The following RAB27B variants were observed in gnomAD, a reference collection of about 807,000 sequenced individuals.
RAB27B encodes ras-related protein Rab-27B.
A neutral mutation model predicts 24.6 loss-of-function variants in RAB27B; 15 were observed. The observed-to-expected ratio is 0.61, with a 90% CI of 0.41 to 0.94. The LOEUF (loss-of-function observed/expected upper bound fraction) is 0.94, where lower values mean the gene tolerates loss of function less well. RAB27B is among the 40% of genes least tolerant of loss of function. The pLI is 0.00. For missense variants in RAB27B, 261 were observed against 266.8 expected (o/e 0.98, Z 0.15); for synonymous variants, 105 against 92.5 (o/e 1.14, Z -0.78).
intron 2 of RAB27B, among the ~76,000 whole-genome samples, chr18:54,809,794 G>A (rs949100889): frequency 2.0e-5 from 3 of 152,194 alleles, no homozygotes; most frequent in Admixed American, 2.0e-4. Flanking sequence ...TATGGATGTT[G>A]TTAAACAGAT....
chr18:54,862,299 G>A (rs1012886067), intron 1 of RAB27B, among the ~76,000 whole-genome samples: 2 of 152,118 alleles, frequency 1.3e-5, no homozygotes, highest in Non-Finnish European at 2.9e-5. Context: ...GAACAAAATC[G>A]AATGTAGTGG....
chr18:54,769,264 A>G (rs1056094663), intron 2 of RAB27B, among the ~76,000 whole-genome samples: 1 of 152,216 alleles, frequency 6.6e-6, no homozygotes, highest in Non-Finnish European at 1.5e-5. Context: ...CAGAAATCCA[A>G]TAGGGTAATC....
In RAB27B at chr18:54,893,603, T is replaced by G. The variant is rs1179415416; in HGVS notation, c.*4190T>G. ...GGTGTTGAGCTCTTATACATGAAAA[T>G]GGATATAGGCTATTCTCTGGGATGA... On this transcript the variant is annotated 3_prime_UTR_variant, in exon 6 of 6. Transcript: ENST00000262094. 1 of 151,994 alleles carries G rather than the reference T, an allele frequency of 6.6e-6. No homozygotes were observed. Among genetic ancestry groups the G allele is most frequent in the Non-Finnish European group, 1.5e-5 (1 of 67,952 alleles). The allele number at this position is 151,994 out of a possible 1,614,324, so 9.4% of individuals were successfully genotyped here.
At chr18:54,718,528 C>T (rs1909260438) in intron 2 of RAB27B, among the ~76,000 whole-genome samples, 1 of 152,176 alleles carries the variant, frequency 6.6e-6, no homozygotes, top group African/African-American at 2.4e-5. Context: ...TCTGCAAATA[C>T]TCCTATCATA....
At chr18:54,802,250 G>A (rs541475874) in intron 2 of RAB27B, among the ~76,000 whole-genome samples, 9 of 152,332 alleles carry the variant, frequency 5.9e-5, no homozygotes, top group Admixed American at 3.3e-4. Context: ...AATCCTTGGA[G>A]AAGGAGGACA....
chr18:54,808,539 G>A (rs961166952), intron 2 of RAB27B, among the ~76,000 whole-genome samples: 3 of 152,178 alleles, frequency 2.0e-5, no homozygotes, highest in African/African-American at 7.2e-5. Context: ...CTTATTATCA[G>A]CCTCCACAAA....
In RAB27B at chr18:54,815,591, G is replaced by A. The variant is rs570101106; in HGVS notation, c.-19-61976G>A. ...TTTATTGATTTAGCCAAATCTTCAA[G>A]GAGCATCATTTTGTAAACCCCTCAC... On this transcript the variant is annotated intron_variant, in intron 2 of 4. Transcript: ENST00000586570. Among the ~76,000 whole-genome samples, 31 of 152,188 alleles carry A rather than the reference G, an allele frequency of 2.0e-4. No homozygotes were observed. In the South Asian group the frequency reaches 4.6e-3, roughly 22 times the overall value.
chr18:54,821,031 G>A (rs1910293512), intron 2 of RAB27B, among the ~76,000 whole-genome samples: 1 of 152,068 alleles, frequency 6.6e-6, no homozygotes, highest in Non-Finnish European at 1.5e-5. Context: ...TGTGAAGAAA[G>A]TCATTAGTAG....
intron 2 of RAB27B, among the ~76,000 whole-genome samples, chr18:54,732,526 A>G (rs781439242): frequency 6.6e-4 from 101 of 152,182 alleles, no homozygotes; most frequent in Non-Finnish European, 1.4e-3. Flanking sequence ...ATTCTTAACC[A>G]GGTATTATTG....
chr18:54,819,728 G>A (rs1263685947), intron 2 of RAB27B, among the ~76,000 whole-genome samples: 5 of 151,294 alleles, frequency 3.3e-5, no homozygotes, highest in Non-Finnish European at 7.4e-5. Context: ...CCATTAACTC[G>A]TCATTTAACA....
At chr18:54,822,873 C>G (rs1910354480) in intron 2 of RAB27B, among the ~76,000 whole-genome samples, 1 of 152,152 alleles carries the variant, frequency 6.6e-6, no homozygotes, top group African/African-American at 2.4e-5. Context: ...GTGAACATCA[C>G]TCGTGAAATT....
Position 54,881,389 on chromosome 18 carries a change from G to T in RAB27B, c.239+1935G>T, listed in dbSNP as rs1912918875. Among the ~76,000 whole-genome samples the T allele has an allele frequency of 2.0e-5, 3 of 151,956 alleles. No individual in the cohort carries two copies. In the South Asian group the frequency reaches 6.2e-4, roughly 32 times the overall value. ...CAGTTATCTCTGCATTCTATCTCAG[G>T]GGTCACGTGTGGAAATTCAAGGGGA... On this transcript the variant is annotated intron_variant, in intron 3 of 5. Coordinates refer to ENST00000262094, the MANE Select transcript of RAB27B (RefSeq NM_004163.4).
intron 1 of RAB27B, among the ~76,000 whole-genome samples, chr18:54,873,796 G>A (rs1912581309): frequency 6.6e-6 from 1 of 150,844 alleles, no homozygotes; most frequent in African/African-American, 2.4e-5. Flanking sequence ...TAAAAAATAA[G>A]AAATAAAATT....
chr18:54,743,552 C>A (rs1190578775), intron 2 of RAB27B, among the ~76,000 whole-genome samples: 1 of 152,158 alleles, frequency 6.6e-6, no homozygotes, highest in African/African-American at 2.4e-5. Context: ...AGGGAATGAG[C>A]CATTCAGACA....
chr18:54,781,444 G>C (rs1176924615), intron 2 of RAB27B, among the ~76,000 whole-genome samples: 1 of 151,998 alleles, frequency 6.6e-6, no homozygotes, highest in African/African-American at 2.4e-5. Context: ...TCAAGGTCCA[G>C]AGAGCTTGCC....
intron 1 of RAB27B, among the ~76,000 whole-genome samples, chr18:54,829,609 TACAG>T (rs1420434302): frequency 3.9e-5 from 6 of 152,238 alleles, no homozygotes; most frequent in African/African-American, 1.4e-4. Flanking sequence ...GAAAAATGTC[TACAG>T]TTCTCAATAT....
At chr18:54,767,953 G>A (rs561871376) in intron 2 of RAB27B, among the ~76,000 whole-genome samples, 3 of 152,188 alleles carry the variant, frequency 2.0e-5, no homozygotes, top group African/African-American at 7.2e-5. Context: ...TAATGATCAG[G>A]GATATAGTAA....
intron 2 of RAB27B, among the ~76,000 whole-genome samples, chr18:54,811,441 T>C (rs1475661300): frequency 6.6e-6 from 1 of 152,100 alleles, no homozygotes; most frequent in Non-Finnish European, 1.5e-5. Context: ...AGGTCATAGG[T>C]AGATAAGAGA....
chr18:54,859,160 T>C (rs983702118), intron 1 of RAB27B, among the ~76,000 whole-genome samples: 1 of 152,186 alleles, frequency 6.6e-6, no homozygotes, highest in Non-Finnish European at 1.5e-5. Context: ...ACAAACTCCT[T>C]GTAGATCAAA....
Sources: allele counts gnomAD v4.1 joint callset (sites outside exome capture counted in the v4.1 genomes callset), GRCh38; gene constraint gnomAD v4.1.1; transcripts MANE v1.5; gene names NCBI Gene and HGNC (gene_info 2026-07-23, HGNC 2026-07-21).